The following VPS53 variants were observed in gnomAD, a reference collection of about 807,000 sequenced individuals.
VPS53 encodes VPS53 subunit of GARP complex, also known as vacuolar protein sorting-associated protein 53 homolog.
Under a neutral mutation model 107.0 loss-of-function variants are expected in VPS53, and 70 were observed. The ratio of observed to expected loss-of-function variants is 0.65; its 90% CI spans 0.54 to 0.80. VPS53 has a LOEUF of 0.80. Among genes scored for constraint, VPS53 ranks in the 30% least tolerant of loss-of-function variants. The pLI is 0.00. For synonymous variants in VPS53, 409 were observed against 393.3 expected (o/e 1.04, Z -0.47); for missense variants, 917 against 1,049.4 (o/e 0.87, Z 1.74).
chr17:643,027 C>T lies in VPS53; in HGVS notation c.608+10264G>A, dbSNP rs1347505394. Among the ~76,000 whole-genome samples, 22 of 128,286 alleles carry T rather than the reference C, an allele frequency of 1.7e-4. 2 individuals carry two copies. Among genetic ancestry groups the T allele is most frequent in the African/African-American group, 4.4e-4 (17 of 38,376 alleles). 84.2% of individuals were successfully genotyped at this position (128,286 alleles called of 152,430 possible). A position where few individuals can be genotyped will look rare whatever the true frequency, so the allele number is the denominator to read the frequency against. On this transcript the variant is annotated intron_variant, in intron 7 of 21. Coordinates refer to ENST00000437048, the MANE Select transcript of VPS53 (RefSeq NM_001128159.3). Reference sequence around the variant, plus strand: ...GAGGACAACACTCATACTTGGAAAGCGAGGACAACACTCATACTTGGAAAT... The same window carrying T: ...GAGGACAACACTCATACTTGGAAAGTGAGGACAACACTCATACTTGGAAAT...
intron 10 of VPS53, among the ~76,000 whole-genome samples, chr17:623,956 TG>T (rs1254701562): frequency 2.0e-5 from 3 of 151,976 alleles, no homozygotes; most frequent in Admixed American, 2.0e-4. Flanking sequence ...TTTATTTATT[TG>T]AGATGGAGTC....
At chr17:604,246 G>A (rs1475073869) in intron 11 of VPS53, among the ~76,000 whole-genome samples, 3 of 152,076 alleles carry the variant, frequency 2.0e-5, no homozygotes, top group Non-Finnish European at 4.4e-5. Flanking sequence ...TGCTCTCGCT[G>A]GCATAAAGCA....
chr17:623,427 G>T, intron 11 of VPS53, 106 bp downstream of exon 11: 1 of 1,331,788 alleles, frequency 7.5e-7, no homozygotes, highest in Non-Finnish European at 1.0e-6. Context: ...TGCAATGAGG[G>T]GTTAAGCACC....
intron 3 of VPS53, among the ~76,000 whole-genome samples, chr17:697,811 T>C (rs889620930): frequency 1.3e-5 from 2 of 152,208 alleles, no homozygotes; most frequent in African/African-American, 4.8e-5. Flanking sequence ...AGCCTTTACG[T>C]GAACATGCCA....
intron 15 of VPS53, 71 bp downstream of exon 15, chr17:560,355 T>TA: frequency 6.5e-7 from 1 of 1,532,672 alleles, no homozygotes; most frequent in Non-Finnish European, 8.8e-7. Context: ...CGTATATTCT[T>TA]ACTCGCCGAG....
At chr17:689,419 T>A (rs1287577521) in intron 4 of VPS53, among the ~76,000 whole-genome samples, 1 of 149,892 alleles carries the variant, frequency 6.7e-6, no homozygotes, top group Non-Finnish European at 1.5e-5. Context: ...TACCTCAAAC[T>A]CCTGAGTAGC....
At chr17:635,753 T>C (rs1245131811) in intron 7 of VPS53, among the ~76,000 whole-genome samples, 1 of 152,236 alleles carries the variant, frequency 6.6e-6, no homozygotes, top group Non-Finnish European at 1.5e-5. Flanking sequence ...TCCATTGATC[T>C]ACATCTCTGT....
chr17:534,230 T>G (rs1021039388), intron 18 of VPS53, among the ~76,000 whole-genome samples: 2 of 152,214 alleles, frequency 1.3e-5, no homozygotes, highest in African/African-American at 2.4e-5. Flanking sequence ...ACCACTATTA[T>G]GAGATTTGTC....
chr17:609,681 T>C (rs1968752446), intron 11 of VPS53, among the ~76,000 whole-genome samples: 1 of 152,154 alleles, frequency 6.6e-6, no homozygotes, highest in Non-Finnish European at 1.5e-5. Flanking sequence ...GAAAGATGTT[T>C]AAAGCAGAGG....
intron 13 of VPS53, among the ~76,000 whole-genome samples, chr17:582,165 T>C (rs997502021): frequency 6.6e-6 from 1 of 150,730 alleles, no homozygotes; most frequent in African/African-American, 2.4e-5. Flanking sequence ...ACCTAATGTG[T>C]TCCCAGAGAA....
At chr17:530,451 C>T (rs1289417323) in intron 19 of VPS53, among the ~76,000 whole-genome samples, 1 of 152,088 alleles carries the variant, frequency 6.6e-6, no homozygotes, top group Non-Finnish European at 1.5e-5. Flanking sequence ...CTGCACCCGG[C>T]CTGCTAAATT....
intron 11 of VPS53, among the ~76,000 whole-genome samples, chr17:605,484 G>A (rs1968523131): frequency 6.6e-6 from 1 of 151,090 alleles, no homozygotes. Context: ...GGGGTAAGAG[G>A]GGTGGCGGGA....
rs1045083310 is a variant in VPS53 at position 519,652 on chromosome 17, G to A, written c.2328+174C>T. Among the ~76,000 whole-genome samples the A allele has an allele frequency of 3.9e-5, 6 of 152,176 alleles. No individual in the cohort carries two copies. The highest frequency in any genetic ancestry group is 7.3e-5 in the Non-Finnish European group (5 of 68,036). On this transcript the variant is annotated intron_variant, in intron 21 of 21. Transcript: ENST00000437048. This position sits in a 1 kb window ranked among gnomAD's most constrained non-coding sequence, Gnocchi z 5.0. ...GCAGGGCCTGTCAGAATCCTGAAGT[G>A]CACGTGCCCGGGGCCATCCTCCTCC...
chr17:602,091 C>T (rs574498202), intron 11 of VPS53, among the ~76,000 whole-genome samples, 195 bp from the exon 12 acceptor site: 3 of 152,182 alleles, frequency 2.0e-5, no homozygotes, highest in African/African-American at 7.2e-5. Flanking sequence ...ACCTCCCCGA[C>T]CACCCCGCCC....
At chr17:705,049 T>C (rs1973348462) in intron 2 of VPS53, among the ~76,000 whole-genome samples, 1 of 152,168 alleles carries the variant, frequency 6.6e-6, no homozygotes, top group Non-Finnish European at 1.5e-5. Flanking sequence ...TAAAAAAAGT[T>C]TGGAAGGATC....
intron 13 of VPS53, among the ~76,000 whole-genome samples, chr17:571,537 C>CCCTTTT (rs771483686): frequency 0.14 from 18,024 of 132,894 alleles, 1,189 homozygotes; most frequent in South Asian, 0.2. Flanking sequence ...CCTACGGTCT[C>CCCTTTT]CCTCTCCCCA....
chr17:674,788 T>C (rs1428104602), intron 4 of VPS53: 2 of 152,266 alleles, frequency 1.3e-5, no homozygotes, highest in East Asian at 1.9e-4. Context: ...TGGACAAGTA[T>C]GCAGCATACT....
At chr17:632,849 C>G (rs1970020905) in intron 7 of VPS53, 1 of 438,488 alleles carries the variant, frequency 2.3e-6, no homozygotes, top group Admixed American at 2.6e-5. Context: ...TTCCTGTTAA[C>G]CCAGAAACCA....
At chr17:622,658 G>A (rs533463359) in intron 11 of VPS53, among the ~76,000 whole-genome samples, 16 of 152,252 alleles carry the variant, frequency 1.1e-4, no homozygotes, top group African/African-American at 3.6e-4. Flanking sequence ...AATCTGAAGA[G>A]AGCACCTTGA....
Sources: allele counts gnomAD v4.1 joint callset (sites outside exome capture counted in the v4.1 genomes callset), GRCh38; gene constraint gnomAD v4.1.1; non-coding constraint Gnocchi (gnomAD v3.1); transcripts MANE v1.5; gene names NCBI Gene and HGNC (gene_info 2026-07-23, HGNC 2026-07-21).